Variants in KCNH8 observed in about 807,000 individuals in gnomAD.
The protein encoded by KCNH8 is potassium voltage-gated channel subfamily H member 8, also known as voltage-gated delayed rectifier potassium channel KCNH8.
A neutral mutation model predicts 103.6 loss-of-function variants in KCNH8; 70 were observed. The observed-to-expected ratio is 0.68, with a 90% confidence interval of 0.56 to 0.82. The LOEUF is 0.82. Among genes scored for constraint, KCNH8 ranks in the 40% least tolerant of loss-of-function variants. The probability of loss-of-function intolerance (pLI) is 0.00; values close to 1 mark genes in which losing one functional copy is unlikely to be tolerated. For missense variants in KCNH8, 1,217 were observed against 1,329.9 expected, an observed-to-expected ratio of 0.92 and a Z score of 1.32; for synonymous variants, 498 against 489.4, an observed-to-expected ratio of 1.02 and a Z score of -0.23.
Position 19,446,964 on chromosome 3 carries a change from T to C in KCNH8, c.1376-3142T>C, listed in dbSNP as rs141787362. Among the ~76,000 whole-genome samples, 542 of 152,078 alleles carry C rather than the reference T, an allele frequency of 3.6e-3. 4 individuals are homozygous for C. Among genetic ancestry groups the C allele is most frequent in the African/African-American group, 0.012 (516 of 41,518 alleles). ...TTCCTTCCAAGACCTGATACTGAGA[T>C]GAGATTTTACAAAATGCATTTTATG... On this transcript the variant is annotated intron_variant, in intron 8 of 15. Transcript: ENST00000328405.
chr3:19,173,173 TA>T (rs10700786), intron 1 of KCNH8, among the ~76,000 whole-genome samples: 3,476 of 149,378 alleles, frequency 0.023, 53 homozygotes, highest in Non-Finnish European at 0.039. Context: ...GCATCTCATT[TA>T]AAAAAAAAAC....
chr3:19,176,883 A>G (rs1190519027), intron 1 of KCNH8, among the ~76,000 whole-genome samples: 1 of 152,174 alleles, frequency 6.6e-6, no homozygotes. Context: ...GCCTCTGGTC[A>G]CAATAATTTT....
intron 1 of KCNH8, among the ~76,000 whole-genome samples, chr3:19,208,011 A>G (rs1402184450): frequency 6.6e-6 from 1 of 152,086 alleles, no homozygotes; most frequent in African/African-American, 2.4e-5. Flanking sequence ...TCAACTGGCA[A>G]TTCTAAGAAT....
intron 8 of KCNH8, among the ~76,000 whole-genome samples, chr3:19,449,773 G>A (rs1380786509): frequency 6.6e-6 from 1 of 151,816 alleles, no homozygotes; most frequent in Non-Finnish European, 1.5e-5. Flanking sequence ...AAATAATATA[G>A]ATGTAAATTG....
Position 19,187,280 on chromosome 3 carries a change from A to T in KCNH8, c.76+38485A>T, listed in dbSNP as rs554591465. 2.6e-5 allele frequency among the ~76,000 whole-genome samples: 4 copies of T among 152,148 alleles called. No homozygotes were observed. In the South Asian group the frequency reaches 8.3e-4, roughly 32 times the overall value. ...ATAGTAATAAGTTATTATACATAAT[A>T]AATGTAATATTGTTACATATGTACA... is the stretch of plus-strand genomic sequence containing the variant. On this transcript the variant is annotated intron_variant, in intron 1 of 15. Transcript: ENST00000328405.
At chr3:19,497,596 C>G (rs2068471703) in intron 11 of KCNH8, among the ~76,000 whole-genome samples, 1 of 152,028 alleles carries the variant, frequency 6.6e-6, no homozygotes. Flanking sequence ...GCACTGTGGT[C>G]CAAGAGTGTG....
At chr3:19,227,915 T>C (rs1045025543) in intron 1 of KCNH8, among the ~76,000 whole-genome samples, 1 of 152,178 alleles carries the variant, frequency 6.6e-6, no homozygotes, top group Non-Finnish European at 1.5e-5. Context: ...TGGTTATACA[T>C]GTGCTCTTCA....
At chr3:19,215,812 A>T (rs1312485641) in intron 1 of KCNH8, among the ~76,000 whole-genome samples, 2 of 152,198 alleles carry the variant, frequency 1.3e-5, no homozygotes, top group African/African-American at 4.8e-5. Context: ...CCACGTCAGA[A>T]AGGTGATTAC....
chr3:19,258,939 CTCTCTCTCTATATATATATATATA>C (rs1394911558), intron 2 of KCNH8, among the ~76,000 whole-genome samples: 1 of 74,102 alleles, frequency 1.3e-5, no homozygotes, highest in African/African-American at 5.7e-5. Context: ...CTCTCTCTCT[CTCTCTCTCTATATATATATATATA>C]TATATATATA....
intron 1 of KCNH8, among the ~76,000 whole-genome samples, chr3:19,188,779 C>A (rs1310291748): frequency 2.0e-5 from 3 of 151,842 alleles, no homozygotes; most frequent in South Asian, 4.1e-4. Flanking sequence ...AGAAAACCAG[C>A]CTGTATTCCA....
chr3:19,228,715 G>A (rs555705917), intron 1 of KCNH8, among the ~76,000 whole-genome samples: 10 of 152,166 alleles, frequency 6.6e-5, no homozygotes, highest in Admixed American at 3.3e-4. Context: ...CTATTTATTT[G>A]TATTCATCAG....
At chr3:19,172,194 T>A (rs989460685) in intron 1 of KCNH8, among the ~76,000 whole-genome samples, 1 of 152,192 alleles carries the variant, frequency 6.6e-6, no homozygotes, top group African/African-American at 2.4e-5. Context: ...GTATCTAGGT[T>A]GTCTTTGCAA....
intron 1 of KCNH8, among the ~76,000 whole-genome samples, chr3:19,171,187 A>G (rs2125194159): frequency 6.6e-6 from 1 of 152,250 alleles, no homozygotes; most frequent in African/African-American, 2.4e-5. Context: ...CCTCACTTAT[A>G]TATTTTTTGT....
rs2069241119 is a variant in KCNH8, at chr3:19,534,921, T to G, written c.*822T>G. On this transcript the variant is annotated 3_prime_UTR_variant, in exon 16 of 16. Coordinates refer to ENST00000328405, the MANE Select transcript of KCNH8 (RefSeq NM_144633.3). ...AATGTATTCTCATGCTTCTGGATTA[T>G]AAAAGAAAAGTGAAGTCATATTTTG... The G allele has an allele frequency of 6.6e-6, 1 of 152,182 alleles. No individual in the cohort carries two copies. Among genetic ancestry groups the G allele is most frequent in the African/African-American group, 2.4e-5 (1 of 41,442 alleles). 9.4% of individuals were successfully genotyped at this position (152,182 alleles called of 1,614,324 possible).
intron 3 of KCNH8, among the ~76,000 whole-genome samples, chr3:19,301,994 G>A (rs1409742873): frequency 1.3e-5 from 2 of 152,164 alleles, no homozygotes; most frequent in African/African-American, 4.8e-5. Flanking sequence ...CCAGACTCGT[G>A]GCACATGGAT....
chr3:19,424,019 A>G (rs1301728873), intron 7 of KCNH8, among the ~76,000 whole-genome samples: 2 of 152,098 alleles, frequency 1.3e-5, no homozygotes, highest in Non-Finnish European at 2.9e-5. Context: ...CAATATTAGG[A>G]AAATGACCAT....
chr3:19,177,511 T>A (rs1327066041), intron 1 of KCNH8, among the ~76,000 whole-genome samples: 1 of 152,122 alleles, frequency 6.6e-6, no homozygotes, highest in Non-Finnish European at 1.5e-5. Flanking sequence ...TCTGTACTTC[T>A]ACTTATTATT....
At chr3:19,235,455 A>G (rs900907873) in intron 1 of KCNH8, among the ~76,000 whole-genome samples, 3 of 152,192 alleles carry the variant, frequency 2.0e-5, no homozygotes, top group Admixed American at 6.5e-5. Context: ...TTCTGGGGAA[A>G]GATGAGAGGG....
chr3:19,342,577 T>C lies in KCNH8; in HGVS notation c.443-10T>C. ...TGCATGTGTGTCTAATGAGTTTTAT[T>C]TTCCCCCAGACAAAGTCAAAGGAAG... On this transcript the variant is annotated splice_polypyrimidine_tract_variant and intron_variant, in intron 3 of 15. Transcript: ENST00000328405. 2 of 1,607,390 alleles carry C rather than the reference T, an allele frequency of 1.2e-6. No individual in the cohort carries two copies. Among genetic ancestry groups the C allele is most frequent in the Non-Finnish European group, 1.7e-6 (2 of 1,175,936 alleles).
Sources: allele counts gnomAD v4.1 joint callset (sites outside exome capture counted in the v4.1 genomes callset), GRCh38; gene constraint gnomAD v4.1.1; transcripts MANE v1.5; gene names NCBI Gene and HGNC (gene_info 2026-07-23, HGNC 2026-07-21).